TFIP11: variants seen among roughly 807,000 people sequenced by gnomAD.
TFIP11 encodes tuftelin-interacting protein 11.
In TFIP11, 86 loss-of-function variants were observed where a neutral mutation model predicts 96.8. The observed-to-expected ratio is 0.89, with a 90% CI of 0.75 to 1.06. TFIP11 has a LOEUF of 1.06. TFIP11 is among the 50% of genes least tolerant of loss of function. TFIP11 has a pLI of 0.00. For synonymous variants in TFIP11, 405 were observed against 395.2 expected (o/e 1.02, Z -0.29); for missense variants, 881 against 1,076.7 (o/e 0.82, Z 2.54).
In TFIP11 at chr22:26,495,399, T is replaced by G. The variant is rs571155689; in HGVS notation, c.1850-460A>C. Among the ~76,000 whole-genome samples, 614 of 148,878 alleles carry G rather than the reference T, an allele frequency of 4.1e-3. 6 individuals carry two copies. Among genetic ancestry groups the G allele is most frequent in the Non-Finnish European group, 4.4e-3 (298 of 67,438 alleles). The stretch of plus-strand genomic sequence containing the variant: ...TTCAAGCCATCCTCCCGCCTCAGCC[T>G]CCCTAGTAGCTGGGACGACAGGCGC... On this transcript the variant is annotated intron_variant, in intron 12 of 14. Coordinates refer to ENST00000407690, the MANE Select transcript of TFIP11 (RefSeq NM_012143.4).
chr22:26,505,752 G>C (rs1393779451), intron 6 of TFIP11, among the ~76,000 whole-genome samples: 2 of 88,734 alleles, frequency 2.3e-5, no homozygotes, highest in Admixed American at 1.4e-4. Context: ...ATGGAGTCTC[G>C]CTCTGTTGCC....
chr22:26,498,848 G>C, intron 10 of TFIP11, 21 bp downstream of exon 10: 1 of 1,602,540 alleles, frequency 6.2e-7, no homozygotes, highest in Non-Finnish European at 8.5e-7. Context: ...CTGGGGTACA[G>C]AGCCCTGCTC....
chr22:26,491,978 G>C lies in TFIP11; in HGVS notation c.*35C>G, dbSNP rs1167879302. ...TTATTTACAGTACATCCCTCTTAGG[G>C]GCAAGTCTCTGACTGGTTCTGGACC... On this transcript the variant is annotated 3_prime_UTR_variant, in exon 15 of 15. Transcript: ENST00000407690. The C allele has an allele frequency of 1.3e-6, 2 of 1,544,380 alleles. No homozygotes were observed. The highest frequency in any genetic ancestry group is 2.4e-5 in the South Asian group (2 of 84,474).
At chr22:26,508,246 G>A (rs1317357071) in intron 4 of TFIP11, among the ~76,000 whole-genome samples, 1 of 152,188 alleles carries the variant, frequency 6.6e-6, no homozygotes, top group Non-Finnish European at 1.5e-5. Flanking sequence ...TAGTGATTTA[G>A]ATCCCAAACT....
At chr22:26,505,232 G>A (rs1830200358) in intron 6 of TFIP11, among the ~76,000 whole-genome samples, 1 of 152,150 alleles carries the variant, frequency 6.6e-6, no homozygotes, top group African/African-American at 2.4e-5. Flanking sequence ...GGTTTGAGAG[G>A]CTTTGGTCTC....
chr22:26,511,273 C>T (rs1011202115), intron 2 of TFIP11: 2 of 152,204 alleles, frequency 1.3e-5, no homozygotes, highest in African/African-American at 2.4e-5. Flanking sequence ...GCCAGTCTCT[C>T]TTTTCACATT....
chr22:26,498,628 C>G, intron 10 of TFIP11: 1 of 417,086 alleles, frequency 2.4e-6, no homozygotes, highest in East Asian at 4.0e-5. Context: ...CAAATCACCA[C>G]TAAAGAACTT....
At chr22:26,498,271 G>A (rs529534657) in intron 10 of TFIP11, among the ~76,000 whole-genome samples, 2 of 152,132 alleles carry the variant, frequency 1.3e-5, no homozygotes, top group Non-Finnish European at 2.9e-5. Flanking sequence ...AACCAGGCAC[G>A]GTGGCTCACG....
In TFIP11 at chr22:26,510,102, T is replaced by C. The variant is rs780742207; in HGVS notation, c.171A>G (p.Arg57=). The change falls in exon 4 of 15, where the codon CGA becomes CGG. Residue 57 remains arginine (R), a synonymous_variant. Coordinates refer to ENST00000407690, the MANE Select transcript of TFIP11 (RefSeq NM_012143.4). The stretch of plus-strand genomic sequence containing the variant: ...AGCTGGGCCTCTCATCATCCGAGTC[T>C]CGCTCTGCCCACACCCCGTAGGTGG... The part of the protein sequence containing the change: ...EEATYGVWAE[R]DSDDERPSFG... The C allele has an allele frequency of 6.2e-7, 1 of 1,614,050 alleles. No individual in the cohort carries two copies. The highest frequency in any genetic ancestry group is 8.5e-7 in the Non-Finnish European group (1 of 1,180,044).
rs372995914 is a variant in TFIP11 at position 26,499,564 on chromosome 22, T to C, written c.869A>G (p.Asn290Ser). Residue 290 changes from asparagine (N) to serine (S), a missense_variant, in exon 9 of 15, where the codon AAC becomes AGC. Coordinates refer to ENST00000407690, the MANE Select transcript of TFIP11 (RefSeq NM_012143.4). ...YSYSQISHKH[N>S]VPDDGLPLQS... The stretch of plus-strand genomic sequence containing the variant: ...TAGCGGCAGCCCATCATCGGGAACG[T>C]TGTGCTTGTGGCTGATCTGACTGTA... 8.7e-6 allele frequency: 14 copies of C among 1,614,026 alleles called. No homozygotes were observed. Among genetic ancestry groups the C allele is most frequent in the African/African-American group, 5.3e-5 (4 of 74,930 alleles).
intron 10 of TFIP11, among the ~76,000 whole-genome samples, chr22:26,497,874 C>CAAA (rs35461044): frequency 2.5e-4 from 22 of 89,100 alleles, no homozygotes; most frequent in South Asian, 4.4e-4. Flanking sequence ...GACTTCATCT[C>CAAA]AAAAAAAAAA....
chr22:26,504,293 C>G (rs1267607884), intron 6 of TFIP11, among the ~76,000 whole-genome samples: 1 of 152,206 alleles, frequency 6.6e-6, no homozygotes, highest in African/African-American at 2.4e-5. Context: ...TGGAAATAAA[C>G]GTTGTTTTTC....
rs542130726 is a variant in TFIP11 at position 26,491,794 on chromosome 22, C to T, written c.*219G>A. ...CAGGAAAGAACATCAACTTGGCTGTCCTGTTTTGAGGACGATACCCCACAT... is the reference window on the plus strand; with the variant it reads ...CAGGAAAGAACATCAACTTGGCTGTTCTGTTTTGAGGACGATACCCCACAT... On this transcript the variant is annotated 3_prime_UTR_variant, in exon 15 of 15. Transcript: ENST00000407690. 4 of 1,042,834 alleles carry T rather than the reference C, an allele frequency of 3.8e-6. No individual in the cohort carries two copies. The highest frequency in any genetic ancestry group is 5.2e-5 in the Admixed American group (2 of 38,346). 64.6% of individuals were successfully genotyped at this position (1,042,834 alleles called of 1,614,324 possible). A position where few individuals can be genotyped will look rare whatever the true frequency, so the allele number is the denominator to read the frequency against.
chr22:26,499,364 C>G lies in TFIP11; in HGVS notation c.1069G>C (p.Glu357Gln). 1.9e-6 allele frequency: 3 copies of G among 1,614,120 alleles called. No homozygotes were observed. Among genetic ancestry groups the G allele is most frequent in the Non-Finnish European group, 2.5e-6 (3 of 1,179,972 alleles). The change falls in exon 9 of 15, where the codon GAG becomes CAG. Residue 357 changes from glutamate to glutamine, a missense_variant. Glu to Gln is a conservative substitution (Grantham distance 29). Transcript: ENST00000407690. Reference sequence around the variant, plus strand: ...TGGTCCAGGACCTCGGTCATCTTCTCCAGCTCGTGGAAGAGGTTGACCACC... The same window carrying G: ...TGGTCCAGGACCTCGGTCATCTTCTGCAGCTCGTGGAAGAGGTTGACCACC... ...DMVVNLFHEL[E>Q]KMTEVLDHEE...
rs748603113 is a variant in TFIP11, at chr22:26,499,508, C to T, written c.925G>A (p.Glu309Lys). 3 of 1,614,106 alleles carry T rather than the reference C, an allele frequency of 1.9e-6. No individual in the cohort carries two copies. In the Admixed American group the frequency reaches 5.0e-5, roughly 27 times the overall value. The change falls in exon 9 of 15, where the codon GAG (glutamate) becomes AAG (lysine). Residue 309 changes from glutamate to lysine, a missense_variant. By Grantham distance (56) the Glu-to-Lys change is moderately conservative. Coordinates refer to ENST00000407690, the MANE Select transcript of TFIP11 (RefSeq NM_012143.4). ...AGCGCGAAGCCGGGGGCCTTGGCCT[C>T]TTTGCCAGACTGTGGCAGCTGTTGG... ...QSQQLPQSGK[E>K]AKAPGFALPE...
At position 26,498,925 on chromosome 22, in the gene TFIP11, C is replaced by G. The variant is rs1396847548; in HGVS notation, c.1380G>C (p.Glu460Asp). ...CGCCATGGGACAAGAGCTGGTCATTCTCTAGGAGGCTTTTCCACTTAGAGA... is the reference window on the plus strand; with the variant it reads ...CGCCATGGGACAAGAGCTGGTCATTGTCTAGGAGGCTTTTCCACTTAGAGA... Reference protein sequence around the residue: ...EIISKWKSLLENDQLLSHGGQ... With the variant: ...EIISKWKSLLDNDQLLSHGGQ... The change falls in exon 10 of 15, where the codon GAG becomes GAC. Residue 460 changes from glutamate to aspartate, a missense_variant. By Grantham distance (45) the Glu-to-Asp change is conservative (BLOSUM62 2). Transcript: ENST00000407690. 1 of 1,613,792 alleles carries G rather than the reference C, an allele frequency of 6.2e-7. No homozygotes were observed. The highest frequency in any genetic ancestry group is 2.2e-5 in the East Asian group (1 of 44,854).
Position 26,496,716 on chromosome 22 carries a change from CCCA to C in TFIP11, c.1605+2_1605+4del. Reference sequence around the variant, plus strand: ...GACGACTGTTTCCCATGACTCTCATCCCACCTCCTTTTGCAGCTTGGGGAAGAT... The same window carrying C: ...GACGACTGTTTCCCATGACTCTCATCCCTCCTTTTGCAGCTTGGGGAAGAT... On this transcript the variant is annotated splice_donor_variant and splice_donor_region_variant and intron_variant, in intron 11 of 14. Coordinates refer to ENST00000407690, the MANE Select transcript of TFIP11 (RefSeq NM_012143.4). LOFTEE classifies it high-confidence loss of function. 6.2e-7 allele frequency: 1 copy of C among 1,613,506 alleles called. No individual in the cohort carries two copies. The highest frequency in any genetic ancestry group is 8.5e-7 in the Non-Finnish European group (1 of 1,179,502).
chr22:26,504,235 G>A (rs2147141199), intron 6 of TFIP11, among the ~76,000 whole-genome samples: 1 of 152,230 alleles, frequency 6.6e-6, no homozygotes, highest in South Asian at 2.1e-4. Context: ...ATTTTACTTA[G>A]GAGTTCCTAT....
chr22:26,506,396 C>A lies in TFIP11; in HGVS notation c.427G>T (p.Gly143Cys). 2 of 1,614,014 alleles carry A rather than the reference C, an allele frequency of 1.2e-6. No homozygotes were observed. The highest frequency in any genetic ancestry group is 1.1e-5 in the South Asian group (1 of 91,068). ...AGGTKSFMDFGSWERHTKGIG... is the reference protein window; with the variant it reads ...AGGTKSFMDFCSWERHTKGIG... ...CCTTTTGTGTGTCTTTCCCAGCTGC[C>A]GAAGTCCATGAAAGATTTGGTTCCT... Residue 143 changes from glycine (G) to cysteine (C), a missense_variant, in exon 6 of 15, where the codon GGC becomes TGC. Gly to Cys is a radical substitution (Grantham distance 159). Transcript: ENST00000407690.
Sources: gnomAD v4.1 joint callset for allele counts (sites outside exome capture counted in the v4.1 genomes callset) on GRCh38, gnomAD v4.1.1 for gene constraint, MANE v1.5 for transcripts, NCBI Gene and HGNC (gene_info 2026-07-23, HGNC 2026-07-21) for gene names.